The following WWOX variants were observed in gnomAD, a reference collection of about 807,000 sequenced individuals.
The protein encoded by WWOX is WW domain containing oxidoreductase.
In WWOX, 69 loss-of-function variants were observed where a neutral mutation model predicts 46.2. The observed-to-expected ratio is 1.49, with a 90% confidence interval of 1.23 to 1.82. The LOEUF (loss-of-function observed/expected upper bound fraction) is 1.82, where lower values mean the gene tolerates loss of function less well. Ranked by LOEUF, WWOX falls within the 40% of genes most tolerant of loss-of-function variation. The probability of loss-of-function intolerance (pLI) is 0.00; values close to 1 mark genes in which losing one functional copy is unlikely to be tolerated. For synonymous variants in WWOX, 359 were observed against 202.6 expected, an observed-to-expected ratio of 1.77 and a Z score of -6.56; for missense variants, 919 against 542.6, an observed-to-expected ratio of 1.69 and a Z score of -6.89.
intron 8 of WWOX, among the ~76,000 whole-genome samples, chr16:78,510,421 C>G (rs140183399): frequency 4.6e-5 from 7 of 152,196 alleles, no homozygotes; most frequent in African/African-American, 1.4e-4. Context: ...GATTGGTTGG[C>G]CAGTATGGTC....
intron 8 of WWOX, among the ~76,000 whole-genome samples, chr16:78,632,557 A>ATTTTTTTTTTTTTTTTTTTTTTTT (rs545062752): frequency 1.3e-5 from 1 of 74,758 alleles, no homozygotes; most frequent in Non-Finnish European, 2.4e-5. Flanking sequence ...TACTTGGCCA[A>ATTTTTTTTTTTTTTTTTTTTTTTT]TTTTTTTTTT....
At chr16:78,954,293 A>G (rs192500282) in intron 8 of WWOX, among the ~76,000 whole-genome samples, 34 of 151,960 alleles carry the variant, frequency 2.2e-4, no homozygotes, top group African/African-American at 8.2e-4. Flanking sequence ...GGATGAATGG[A>G]TGCATGGCTG....
intron 8 of WWOX, among the ~76,000 whole-genome samples, chr16:79,136,977 G>C (rs975990060): frequency 1.3e-5 from 2 of 152,188 alleles, no homozygotes; most frequent in African/African-American, 2.4e-5. Flanking sequence ...AGAGAAAATA[G>C]AGCTCCAAGG....
At chr16:78,527,738 C>T (rs570692552) in intron 8 of WWOX, among the ~76,000 whole-genome samples, 1 of 22,416 alleles carries the variant, frequency 4.5e-5, no homozygotes, top group Non-Finnish European at 1.7e-4. Flanking sequence ...GGTTCTTGAT[C>T]AGGAGTGATA....
At chr16:78,555,991 A>T (rs776855273) in intron 8 of WWOX, among the ~76,000 whole-genome samples, 35 of 152,162 alleles carry the variant, frequency 2.3e-4, no homozygotes, top group Non-Finnish European at 4.3e-4. Flanking sequence ...GAGGGGAGGA[A>T]GGGAAGTAAC....
At chr16:78,485,834 G>C (rs1415418428) in intron 8 of WWOX, among the ~76,000 whole-genome samples, 2 of 152,188 alleles carry the variant, frequency 1.3e-5, no homozygotes, top group East Asian at 1.9e-4. Flanking sequence ...ACTCCTGGAT[G>C]CACTTATTTT....
At chr16:78,592,662 G>T (rs552582760) in intron 8 of WWOX, among the ~76,000 whole-genome samples, 1 of 152,300 alleles carries the variant, frequency 6.6e-6, no homozygotes, top group Admixed American at 6.5e-5. Flanking sequence ...CAGAGCCTAG[G>T]TGTGTAAATT....
intron 4 of WWOX, among the ~76,000 whole-genome samples, chr16:78,129,111 T>C (rs1034455332): frequency 2.0e-5 from 3 of 152,024 alleles, no homozygotes; most frequent in African/African-American, 7.3e-5. Flanking sequence ...ACTTGGGAGC[T>C]GTCAGCCTGT....
chr16:78,105,550 C>T (rs1057296273), intron 1 of WWOX, among the ~76,000 whole-genome samples: 1 of 151,806 alleles, frequency 6.6e-6, no homozygotes, highest in Admixed American at 6.6e-5. Flanking sequence ...AAGTCAAGAA[C>T]GTAGGTTGAC....
At chr16:78,806,667 A>T (rs763681699) in intron 8 of WWOX, among the ~76,000 whole-genome samples, 1 of 152,160 alleles carries the variant, frequency 6.6e-6, no homozygotes, top group African/African-American at 2.4e-5. Context: ...AGAACCAAGC[A>T]GATGCTGCAT....
chr16:78,939,775 C>G (rs867391882), intron 8 of WWOX, among the ~76,000 whole-genome samples: 1 of 152,206 alleles, frequency 6.6e-6, no homozygotes, highest in Admixed American at 6.5e-5. Flanking sequence ...AACTTCAGTT[C>G]TCCAAATTCC....
At chr16:78,296,588 A>G (rs2079947334) in intron 5 of WWOX, among the ~76,000 whole-genome samples, 1 of 151,672 alleles carries the variant, frequency 6.6e-6, no homozygotes, top group African/African-American at 2.4e-5. Flanking sequence ...ATTGAGAACA[A>G]CCATGTACAG....
At chr16:78,563,490 A>AACAC (rs61298369) in intron 8 of WWOX, among the ~76,000 whole-genome samples, 2,324 of 137,830 alleles carry the variant, frequency 0.017, 41 homozygotes, top group East Asian at 0.063. Context: ...CGTGTGGGTG[A>AACAC]ACACACACAC....
intron 8 of WWOX, among the ~76,000 whole-genome samples, chr16:78,730,309 C>A (rs1030294218): frequency 2.6e-5 from 4 of 152,022 alleles, no homozygotes; most frequent in Non-Finnish European, 5.9e-5. Context: ...GCCTCCTTCC[C>A]TCTCTGCCTC....
chr16:79,201,584 C>G (rs2051353257), intron 8 of WWOX, among the ~76,000 whole-genome samples: 1 of 152,138 alleles, frequency 6.6e-6, no homozygotes, highest in Non-Finnish European at 1.5e-5. Flanking sequence ...ACTGAAGCAT[C>G]ATATTTGGGA....
At chr16:78,956,783 G>T (rs536141926) in intron 8 of WWOX, among the ~76,000 whole-genome samples, 64 of 152,164 alleles carry the variant, frequency 4.2e-4, no homozygotes, top group African/African-American at 1.5e-3. Flanking sequence ...CCTCAGACCT[G>T]TAGGGGAAAC....
At chr16:78,704,871 A>G (rs2142305844) in intron 8 of WWOX, among the ~76,000 whole-genome samples, 1 of 151,646 alleles carries the variant, frequency 6.6e-6, no homozygotes, top group African/African-American at 2.4e-5. Flanking sequence ...GGGCCACCCC[A>G]ACTCTTTTAT....
chr16:78,334,833 T>C (rs7193946), intron 5 of WWOX, among the ~76,000 whole-genome samples: 12,463 of 104,310 alleles, frequency 0.12, 647 homozygotes, highest in East Asian at 0.25. Context: ...CACACACACA[T>C]ACACACACAC....
chr16:78,904,353 C>T (rs559605300), intron 8 of WWOX, among the ~76,000 whole-genome samples: 2 of 150,916 alleles, frequency 1.3e-5, no homozygotes, highest in African/African-American at 2.4e-5. Flanking sequence ...ATTCTCCTGC[C>T]TCAGCGTCCT....
Sources: allele counts gnomAD v4.1 joint callset (sites outside exome capture counted in the v4.1 genomes callset), GRCh38; gene constraint gnomAD v4.1.1; transcripts MANE v1.5; gene names NCBI Gene and HGNC (gene_info 2026-07-23, HGNC 2026-07-21).